The following RIMS1 variants were observed in gnomAD, a reference collection of about 807,000 sequenced individuals.
RIMS1 encodes the protein regulating synaptic membrane exocytosis protein 1.
RIMS1 carries 83 observed loss-of-function variants against 214.1 expected under a neutral mutation model. The ratio of observed to expected loss-of-function variants is 0.39; its 90% confidence interval spans 0.32 to 0.47. The LOEUF (loss-of-function observed/expected upper bound fraction) is 0.47, where lower values mean the gene tolerates loss of function less well. RIMS1 is among the 20% of genes least tolerant of loss of function. The probability of loss-of-function intolerance (pLI) is 0.99; values close to 1 mark genes in which losing one functional copy is unlikely to be tolerated. For synonymous variants in RIMS1, 793 were observed against 786.8 expected (o/e 1.01, Z -0.13); for missense variants, 2,050 against 2,161.8 (o/e 0.95, Z 1.03).
At chr6:72,236,517 T>A (rs899113190) in intron 8 of RIMS1, among the ~76,000 whole-genome samples, 1 of 152,196 alleles carries the variant, frequency 6.6e-6, no homozygotes, top group African/African-American at 2.4e-5. Flanking sequence ...GTAGAAATAA[T>A]AATTCAACTG....
chr6:72,133,213 T>TC (rs1227946322), intron 4 of RIMS1, among the ~76,000 whole-genome samples: 3 of 146,908 alleles, frequency 2.0e-5, no homozygotes, highest in Non-Finnish European at 4.5e-5. Flanking sequence ...GCTCTCTCTC[T>TC]TTTTTTTCTT....
chr6:72,354,813 A>G (rs1361555648), intron 29 of RIMS1, among the ~76,000 whole-genome samples: 2 of 152,316 alleles, frequency 1.3e-5, no homozygotes, highest in East Asian at 3.9e-4. Flanking sequence ...GGTTCTGTTA[A>G]CATAAGTCTA....
At chr6:72,337,510 A>C (rs558815611) in intron 29 of RIMS1, among the ~76,000 whole-genome samples, 6 of 151,920 alleles carry the variant, frequency 3.9e-5, no homozygotes, top group African/African-American at 1.4e-4. Context: ...GTGTGAGTGT[A>C]TACAATTTCA....
intron 2 of RIMS1, among the ~76,000 whole-genome samples, chr6:72,002,771 T>C (rs1174595458): frequency 1.3e-5 from 2 of 152,086 alleles, no homozygotes; most frequent in Non-Finnish European, 2.9e-5. Flanking sequence ...GTAGATGAAG[T>C]TGAAAGTCAG....
intron 2 of RIMS1, among the ~76,000 whole-genome samples, chr6:72,087,611 A>ATTCCT (rs1834994455): frequency 1.3e-5 from 2 of 152,168 alleles, no homozygotes; most frequent in Non-Finnish European, 2.9e-5. Flanking sequence ...AGCAAGCAAA[A>ATTCCT]TGGCTTGAGC....
chr6:72,287,768 A>C (rs1031345242), intron 24 of RIMS1, among the ~76,000 whole-genome samples: 1 of 151,826 alleles, frequency 6.6e-6, no homozygotes, highest in African/African-American at 2.4e-5. Flanking sequence ...TAATTTTTGT[A>C]TTTTTAGTAG....
intron 4 of RIMS1, among the ~76,000 whole-genome samples, chr6:72,159,760 G>T (rs1167269486): frequency 7.2e-6 from 1 of 139,528 alleles, no homozygotes; most frequent in African/African-American, 2.5e-5. Context: ...TCTCTGTTTT[G>T]GTACCAGTAC....
At chr6:72,205,027 G>T (rs987303221) in intron 6 of RIMS1, among the ~76,000 whole-genome samples, 2 of 152,014 alleles carry the variant, frequency 1.3e-5, no homozygotes, top group African/African-American at 4.8e-5. Flanking sequence ...TATTTACTTT[G>T]TTTCTTGTGT....
At chr6:72,166,931 G>A (rs995136195) in intron 4 of RIMS1, among the ~76,000 whole-genome samples, 15 of 151,710 alleles carry the variant, frequency 9.9e-5, no homozygotes, top group African/African-American at 3.6e-4. Context: ...TTTATTGCTT[G>A]ATTAATTTGT....
At chr6:72,215,854 A>G (rs1562632150) in intron 6 of RIMS1, among the ~76,000 whole-genome samples, 1 of 152,206 alleles carries the variant, frequency 6.6e-6, no homozygotes, top group African/African-American at 2.4e-5. Flanking sequence ...TGGTAATGAG[A>G]TGATCCATGG....
intron 4 of RIMS1, among the ~76,000 whole-genome samples, chr6:72,163,222 G>A (rs2045735632): frequency 7.1e-6 from 1 of 139,922 alleles, no homozygotes; most frequent in South Asian, 2.4e-4. Context: ...TTGTGCCATG[G>A]TTTTCAGCTC....
At chr6:71,978,667 T>C (rs561534778) in intron 2 of RIMS1, among the ~76,000 whole-genome samples, 138 of 152,258 alleles carry the variant, frequency 9.1e-4, no homozygotes, top group Middle Eastern at 3.4e-3. Context: ...AGGCCTTCTC[T>C]GTACTATTTT....
intron 2 of RIMS1, among the ~76,000 whole-genome samples, chr6:72,038,122 T>A (rs1388923912): frequency 3.4e-3 from 194 of 57,476 alleles, no homozygotes; most frequent in African/African-American, 5.5e-3. Context: ...AAAAAAAATA[T>A]ATATATATAT....
At chr6:72,112,277 A>G (rs2036253325) in intron 4 of RIMS1, among the ~76,000 whole-genome samples, 1 of 151,958 alleles carries the variant, frequency 6.6e-6, no homozygotes, top group African/African-American at 2.4e-5. Flanking sequence ...AGTCTGGTTT[A>G]TTGCATTGAA....
At chr6:71,889,970 C>T (rs1403783364) in intron 1 of RIMS1, among the ~76,000 whole-genome samples, 1 of 152,182 alleles carries the variant, frequency 6.6e-6, no homozygotes, top group Non-Finnish European at 1.5e-5. Flanking sequence ...TGGTGCAGAA[C>T]TATCTCCTTA....
chr6:72,177,702 G>C (rs966149038), intron 4 of RIMS1, among the ~76,000 whole-genome samples: 3 of 152,138 alleles, frequency 2.0e-5, no homozygotes, highest in Non-Finnish European at 4.4e-5. Context: ...ATTATGGTCT[G>C]TCAGCTAAAG....
chr6:72,028,749 G>A lies in RIMS1; in HGVS notation c.245+59686G>A, dbSNP rs1378964501. The stretch of plus-strand genomic sequence containing the variant: ...GACTAAAAGTACTCAGAAGTATTCA[G>A]AATACATATTTATTTTACCAAACAT... On this transcript the variant is annotated intron_variant, in intron 2 of 33. Coordinates refer to ENST00000521978, the MANE Select transcript of RIMS1 (RefSeq NM_014989.7). Among the ~76,000 whole-genome samples the A allele has an allele frequency of 2.6e-5, 4 of 152,132 alleles. No individual in the cohort carries two copies. In the East Asian group the frequency reaches 7.7e-4, roughly 29 times the overall value.
intron 29 of RIMS1, among the ~76,000 whole-genome samples, chr6:72,348,451 C>G (rs1484843609): frequency 6.6e-6 from 1 of 151,884 alleles, no homozygotes; most frequent in Non-Finnish European, 1.5e-5. Flanking sequence ...TCTTTCTCTT[C>G]TTTGCTTATA....
At chr6:72,037,551 CA>C (rs1007898755) in intron 2 of RIMS1, among the ~76,000 whole-genome samples, 2 of 151,274 alleles carry the variant, frequency 1.3e-5, no homozygotes, top group African/African-American at 4.9e-5. Flanking sequence ...ATAGAGATAT[CA>C]AAAAAACCCT....
Sources: gnomAD v4.1 joint callset for allele counts (sites outside exome capture counted in the v4.1 genomes callset) on GRCh38, gnomAD v4.1.1 for gene constraint, MANE v1.5 for transcripts, NCBI Gene and HGNC (gene_info 2026-07-23, HGNC 2026-07-21) for gene names.